ADAM19: variants seen among roughly 807,000 people sequenced by gnomAD.
ADAM19 encodes ADAM metallopeptidase domain 19, also known as disintegrin and metalloproteinase domain-containing protein 19.
ADAM19 carries 65 observed loss-of-function variants against 114.7 expected under a neutral mutation model. The observed-to-expected ratio is 0.57, with a 90% CI of 0.46 to 0.70. The LOEUF is 0.70. ADAM19 is among the 30% of genes least tolerant of loss of function. The pLI is 0.00. For synonymous variants in ADAM19, 466 were observed against 460.5 expected (o/e 1.01, Z -0.15); for missense variants, 1,063 against 1,204.7 (o/e 0.88, Z 1.74).
intron 5 of ADAM19, among the ~76,000 whole-genome samples, chr5:157,523,299 AT>A (rs2113745866): frequency 6.6e-6 from 1 of 152,290 alleles, no homozygotes; most frequent in East Asian, 1.9e-4. Flanking sequence ...TCTACAGTGT[AT>A]TGAAAACATA....
intron 3 of ADAM19, among the ~76,000 whole-genome samples, chr5:157,545,146 A>G (rs1350130318): frequency 6.6e-6 from 1 of 152,194 alleles, no homozygotes; most frequent in African/African-American, 2.4e-5. Context: ...AACTTGCCCA[A>G]TGTTTCTTAG....
At chr5:157,488,908 T>C (rs1307296520) in intron 20 of ADAM19, among the ~76,000 whole-genome samples, 194 bp downstream of exon 20, 1 of 152,166 alleles carries the variant, frequency 6.6e-6, no homozygotes, top group Non-Finnish European at 1.5e-5. Flanking sequence ...TGGGCACCTG[T>C]AGTCCCAGCT....
intron 3 of ADAM19, among the ~76,000 whole-genome samples, chr5:157,557,053 G>A (rs1430502719): frequency 6.6e-6 from 1 of 152,024 alleles, no homozygotes; most frequent in African/African-American, 2.4e-5. Context: ...GCTAATTTTT[G>A]TGGGGGTTTT....
rs780347101 is a variant in ADAM19 at position 157,493,111 on chromosome 5, C to G, written c.1770G>C (p.Val590=). Reference sequence around the variant, plus strand: ...TCATGATGATAGTGGTGTCAATGGGCACCGCGTTGGACTCCAGGGGCCGGG... The same window carrying G: ...TCATGATGATAGTGGTGTCAATGGGGACCGCGTTGGACTCCAGGGGCCGGG... ...SEARPLESNA[V]PIDTTIIMNG... Residue 590 remains valine (V), a synonymous_variant, in exon 16 of 23, where the codon GTG becomes GTC. Transcript: ENST00000257527. 3 of 1,614,236 alleles carry G rather than the reference C, an allele frequency of 1.9e-6. No homozygotes were observed. Among genetic ancestry groups the G allele is most frequent in the Admixed American group, 1.7e-5 (1 of 60,020 alleles).
At chr5:157,490,529 G>C in intron 18 of ADAM19, 75 bp from the exon 19 acceptor site, 3 of 1,525,012 alleles carry the variant, frequency 2.0e-6, no homozygotes, top group Non-Finnish European at 2.7e-6. Flanking sequence ...AGGTATTCGT[G>C]CTTCTTCTTC....
intron 2 of ADAM19, among the ~76,000 whole-genome samples, chr5:157,567,246 C>A (rs185408608): frequency 6.6e-6 from 1 of 152,214 alleles, no homozygotes; most frequent in African/African-American, 2.4e-5. Context: ...TCTTGGGCAA[C>A]GCTGGCCATT....
At chr5:157,546,765 G>A (rs958031466) in intron 3 of ADAM19, among the ~76,000 whole-genome samples, 34 of 152,206 alleles carry the variant, frequency 2.2e-4, no homozygotes, top group Non-Finnish European at 3.7e-4. Context: ...CTGCAAGGAG[G>A]AAAGGGGGGA....
At chr5:157,493,412 C>T (rs779056946) in intron 15 of ADAM19, among the ~76,000 whole-genome samples, 1 of 152,102 alleles carries the variant, frequency 6.6e-6, no homozygotes, top group South Asian at 2.1e-4. Context: ...GAACTGGCCT[C>T]GAAAAGTCCT....
chr5:157,522,339 G>C (rs1756321924), intron 5 of ADAM19, among the ~76,000 whole-genome samples: 1 of 152,178 alleles, frequency 6.6e-6, no homozygotes, highest in Non-Finnish European at 1.5e-5. Context: ...GTGCAGGATG[G>C]GCAGGTTTGT....
In ADAM19 at chr5:157,477,849, G is replaced by T; in HGVS notation, c.*3100C>A. 1.6e-6 allele frequency: 1 copy of T among 610,408 alleles called. No homozygotes were observed. Among genetic ancestry groups the T allele is most frequent in the Non-Finnish European group, 2.5e-6 (1 of 395,598 alleles). The allele number at this position is 610,408 out of a possible 1,614,324, so 37.8% of individuals were successfully genotyped here. A position where few individuals can be genotyped will look rare whatever the true frequency, so the allele number is the denominator to read the frequency against. On this transcript the variant is annotated 3_prime_UTR_variant, in exon 23 of 23. Transcript: ENST00000257527. ...ATTGCTTCAGGGGGAAGGGACTATGGCAATACAAAAAAACACTCCAACCAG... is the reference window on the plus strand; with the variant it reads ...ATTGCTTCAGGGGGAAGGGACTATGTCAATACAAAAAAACACTCCAACCAG...
At position 157,493,026 on chromosome 5, in the gene ADAM19, C is replaced by A; in HGVS notation, c.1855G>T (p.Asp619Tyr). The A allele has an allele frequency of 6.2e-7, 1 of 1,614,234 alleles. No homozygotes were observed. Among genetic ancestry groups the A allele is most frequent in the Non-Finnish European group, 8.5e-7 (1 of 1,180,032 alleles). ...HVYRGPEEEG[D>Y]MLDPGLVMTG... is the part of the protein sequence containing the mutation. ...ATCACCAGCCCTGGGTCCAGCATGT[C>A]ACCCTCCTCCTCAGGACCTCGGTAG... The change falls in exon 16 of 23, where the codon GAC (aspartate) becomes TAC (tyrosine). Residue 619 changes from aspartate (D) to tyrosine (Y), a missense_variant. Physicochemically the swap from Asp to Tyr is radical, Grantham distance 160. Transcript: ENST00000257527.
At chr5:157,568,571 C>G (rs1020535175) in intron 2 of ADAM19, 1 of 152,058 alleles carries the variant, frequency 6.6e-6, no homozygotes, top group African/African-American at 2.4e-5. Context: ...GTTAAAAATT[C>G]TTTCCCCTTC....
chr5:157,478,953 T>C lies in ADAM19; in HGVS notation c.*1996A>G. On this transcript the variant is annotated 3_prime_UTR_variant, in exon 23 of 23. Transcript: ENST00000257527. The stretch of plus-strand genomic sequence containing the variant: ...AAGCCACAGGAAGCTCTGTGAGGCA[T>C]GGGGTTGGGTTTTGAGGATGTTGCT... The C allele has an allele frequency of 2.0e-6, 2 of 985,532 alleles. No individual in the cohort carries two copies. The highest frequency in any genetic ancestry group is 1.2e-6 in the Non-Finnish European group (1 of 829,930). 61.0% of individuals were successfully genotyped at this position (985,532 alleles called of 1,614,324 possible).
intron 7 of ADAM19, 72 bp from the exon 8 acceptor site, chr5:157,513,577 G>A (rs2113732269): frequency 1.4e-6 from 2 of 1,385,200 alleles, no homozygotes; most frequent in East Asian, 2.3e-5. Context: ...CCCATTACTT[G>A]TCTTTGAATT....
rs1754666774 is a variant in ADAM19, at chr5:157,478,743, G to A, written c.*2206C>T. 1.0e-6 allele frequency: 1 copy of A among 985,732 alleles called. No individual in the cohort carries two copies. The highest frequency in any genetic ancestry group is 1.7e-5 in the African/African-American group (1 of 57,220). The allele number at this position is 985,732 out of a possible 1,614,324, so 61.1% of individuals were successfully genotyped here. A position where few individuals can be genotyped will look rare whatever the true frequency, so the allele number is the denominator to read the frequency against. ...AGTTCACAGTACAACTTTATGGGAT[G>A]GAGGTGATATGAAAATAATAAAACA... is the stretch of plus-strand genomic sequence containing the variant. On this transcript the variant is annotated 3_prime_UTR_variant, in exon 23 of 23. Coordinates refer to ENST00000257527, the MANE Select transcript of ADAM19 (RefSeq NM_033274.5).
chr5:157,564,877 G>C (rs1757612590), intron 2 of ADAM19, among the ~76,000 whole-genome samples: 1 of 152,158 alleles, frequency 6.6e-6, no homozygotes, highest in Non-Finnish European at 1.5e-5. Flanking sequence ...CAATTTGATG[G>C]GGATCTTGTA....
intron 4 of ADAM19, among the ~76,000 whole-genome samples, chr5:157,536,290 T>C (rs900932160): frequency 1.3e-5 from 2 of 152,148 alleles, no homozygotes; most frequent in Non-Finnish European, 2.9e-5. Context: ...GGTCAGAAGT[T>C]CGAGACCAGC....
intron 6 of ADAM19, 116 bp downstream of exon 6, chr5:157,519,723 C>T: frequency 2.0e-6 from 2 of 987,028 alleles, no homozygotes; most frequent in Non-Finnish European, 3.0e-6. Context: ...ACACTATTTC[C>T]TTTTTCTTAG....
At chr5:157,572,159 C>T (rs1757847021) in intron 1 of ADAM19, 1 of 317,226 alleles carries the variant, frequency 3.2e-6, no homozygotes, top group Admixed American at 3.5e-5. Flanking sequence ...GATCTCGGCT[C>T]ACTGCAAGCT....
Sources: allele counts gnomAD v4.1 joint callset (sites outside exome capture counted in the v4.1 genomes callset), GRCh38; gene constraint gnomAD v4.1.1; transcripts MANE v1.5; gene names NCBI Gene and HGNC (gene_info 2026-07-23, HGNC 2026-07-21).